The following PPA2 variants were observed in gnomAD, a reference collection of about 807,000 sequenced individuals.
The protein encoded by PPA2 is inorganic pyrophosphatase 2, also known as inorganic pyrophosphatase 2, mitochondrial.
Under a neutral mutation model 49.5 loss-of-function variants are expected in PPA2, and 48 were observed. The observed-to-expected ratio is 0.97, with a 90% CI of 0.77 to 1.23. The LOEUF is 1.23. PPA2 is among the 50% of genes most tolerant of loss of function. The probability of loss-of-function intolerance (pLI) is 0.00; values close to 1 mark genes in which losing one functional copy is unlikely to be tolerated. For synonymous variants in PPA2, 131 were observed against 139.9 expected (o/e 0.94, Z 0.45); for missense variants, 429 against 410.1 (o/e 1.05, Z -0.40).
At chr4:105,385,785 G>A (rs907078334) in intron 10 of PPA2, among the ~76,000 whole-genome samples, 1 of 151,876 alleles carries the variant, frequency 6.6e-6, no homozygotes, top group African/African-American at 2.4e-5. Flanking sequence ...AGGAAAGCAT[G>A]TGAGACAGCC....
chr4:105,464,606 T>C (rs1338785557), intron 1 of PPA2, among the ~76,000 whole-genome samples: 2 of 152,188 alleles, frequency 1.3e-5, no homozygotes, highest in Non-Finnish European at 2.9e-5. Flanking sequence ...TCCCACATGT[T>C]GTGGGAGGAA....
In PPA2 at chr4:105,370,677, A is replaced by G. The variant is rs147301741; in HGVS notation, c.976+160T>C. On this transcript the variant is annotated intron_variant, in intron 11 of 11. Coordinates refer to ENST00000341695, the MANE Select transcript of PPA2 (RefSeq NM_176869.3). The stretch of plus-strand genomic sequence containing the variant: ...CTCCTTATTTTCTGAGTTAGAAAAT[A>G]TTTCATCTGAAATTTTAGCGACTAT... 580 of 926,330 alleles carry G rather than the reference A, an allele frequency of 6.3e-4. 6 individuals carry two copies. The African/African-American group carries it at 9.8e-3, about 16-fold the overall frequency. The allele number at this position is 926,330 out of a possible 1,614,324, so 57.4% of individuals were successfully genotyped here. A position where few individuals can be genotyped will look rare whatever the true frequency, so the allele number is the denominator to read the frequency against.
chr4:105,406,024 A>G, intron 7 of PPA2: 1 of 210,952 alleles, frequency 4.7e-6, no homozygotes, highest in South Asian at 5.9e-5. Flanking sequence ...TAAAGTAGTT[A>G]TTATGAATAT....
intron 7 of PPA2, among the ~76,000 whole-genome samples, chr4:105,422,814 C>T (rs1331664681): frequency 1.3e-5 from 2 of 152,146 alleles, no homozygotes; most frequent in African/African-American, 4.8e-5. Flanking sequence ...ACATCTCCAA[C>T]AGTACTGAAC....
intron 7 of PPA2, among the ~76,000 whole-genome samples, chr4:105,408,569 G>C (rs755918539): frequency 1.6e-4 from 25 of 152,270 alleles, no homozygotes; most frequent in Admixed American, 3.3e-4. Context: ...AAAGATATTT[G>C]AGGTCAAATT....
Position 105,386,566 on chromosome 4 carries a change from C to T in PPA2, c.939+1G>A. 1.9e-6 allele frequency: 3 copies of T among 1,608,874 alleles called. No homozygotes were observed. The highest frequency in any genetic ancestry group is 2.6e-6 in the Non-Finnish European group (3 of 1,175,682). On this transcript the variant is annotated splice_donor_variant, in intron 10 of 11. Coordinates refer to ENST00000341695, the MANE Select transcript of PPA2 (RefSeq NM_176869.3). LOFTEE classifies it high-confidence loss of function. ...GGATGTCTTGGATGTTTGCCCCTTACCGATTCAACTAATGATCTTGCTTCC... is the reference window on the plus strand; with the variant it reads ...GGATGTCTTGGATGTTTGCCCCTTATCGATTCAACTAATGATCTTGCTTCC...
At chr4:105,439,739 G>A (rs925364205) in intron 5 of PPA2, among the ~76,000 whole-genome samples, 3 of 151,886 alleles carry the variant, frequency 2.0e-5, no homozygotes, top group African/African-American at 4.8e-5. Context: ...ATAACGTGCA[G>A]GTTTGTTACA....
chr4:105,402,417 TAG>T (rs1722253728), intron 7 of PPA2, among the ~76,000 whole-genome samples: 1 of 152,210 alleles, frequency 6.6e-6, no homozygotes, highest in African/African-American at 2.4e-5. Flanking sequence ...ATCACTTTAG[TAG>T]AGTCTTGGAT....
chr4:105,403,369 GCT>G (rs1722313250), intron 7 of PPA2, among the ~76,000 whole-genome samples: 1 of 151,962 alleles, frequency 6.6e-6, no homozygotes, highest in Non-Finnish European at 1.5e-5. Flanking sequence ...TTTAAAAAAG[GCT>G]TTATAAAGAG....
intron 5 of PPA2, among the ~76,000 whole-genome samples, chr4:105,439,842 C>T (rs568915953): frequency 8.3e-6 from 1 of 120,136 alleles, no homozygotes; most frequent in Non-Finnish European, 1.7e-5. Flanking sequence ...CCCCCTCCCC[C>T]CACCCGACAA....
chr4:105,437,809 G>A (rs2110289694), intron 6 of PPA2, 141 bp downstream of exon 6: 1 of 602,202 alleles, frequency 1.7e-6, no homozygotes, highest in South Asian at 2.6e-5. Flanking sequence ...ACAAGAAAGT[G>A]AAGATAAAAG....
chr4:105,392,960 G>A (rs2713853), intron 9 of PPA2, among the ~76,000 whole-genome samples: 56,886 of 151,994 alleles, frequency 0.37, 12,616 homozygotes, highest in East Asian at 0.68. Flanking sequence ...TAGAGAAGAC[G>A]AAGTAAAAAT....
intron 3 of PPA2, among the ~76,000 whole-genome samples, chr4:105,450,891 G>A (rs1722649686): frequency 1.3e-5 from 2 of 152,310 alleles, no homozygotes; most frequent in South Asian, 4.1e-4. Flanking sequence ...ACAGGCGTGA[G>A]CCACCGCGCC....
At chr4:105,394,461 C>T (rs1364595551) in intron 9 of PPA2, among the ~76,000 whole-genome samples, 3 of 150,988 alleles carry the variant, frequency 2.0e-5, no homozygotes, top group African/African-American at 7.3e-5. Flanking sequence ...AGGTAAGTTA[C>T]CTAAATCTTT....
intron 5 of PPA2, among the ~76,000 whole-genome samples, chr4:105,439,644 A>T (rs1724241793): frequency 1.3e-5 from 2 of 152,094 alleles, no homozygotes; most frequent in African/African-American, 4.8e-5. Flanking sequence ...AAGAATTATT[A>T]TTATTATAAT....
chr4:105,369,708 A>G lies in PPA2; in HGVS notation c.*17T>C. 6.4e-7 allele frequency: 1 copy of G among 1,570,166 alleles called. No individual in the cohort carries two copies. Among genetic ancestry groups the G allele is most frequent in the South Asian group, 1.1e-5 (1 of 90,118 alleles). ...TTAGAGATGGGAATCTTGACAGCAG[A>G]ATTTCAGATGTTTCAATCACTTGCC... On this transcript the variant is annotated 3_prime_UTR_variant, in exon 12 of 12. Coordinates refer to ENST00000341695, the MANE Select transcript of PPA2 (RefSeq NM_176869.3).
At position 105,446,367 on chromosome 4, in the gene PPA2, G is replaced by T. The variant is rs975218826; in HGVS notation, c.441+16C>A. The T allele has an allele frequency of 6.5e-7, 1 of 1,536,894 alleles. No individual in the cohort carries two copies. Among genetic ancestry groups the T allele is most frequent in the African/African-American group, 1.4e-5 (1 of 71,242 alleles). ...CAGAAGACAGGAACATTTTACCATT[G>T]TAACAAAAATGTTACCTGAGGGAGG... On this transcript the variant is annotated intron_variant, in intron 5 of 11. Coordinates refer to ENST00000341695, the MANE Select transcript of PPA2 (RefSeq NM_176869.3).
chr4:105,407,923 TAGA>T (rs1578828751), intron 7 of PPA2, among the ~76,000 whole-genome samples: 3 of 152,298 alleles, frequency 2.0e-5, no homozygotes, highest in East Asian at 3.9e-4. Flanking sequence ...TGATAGTTGC[TAGA>T]AGACTATATA....
rs545265072 is a variant in PPA2, at chr4:105,393,144, G to T, written c.869+3105C>A. On this transcript the variant is annotated intron_variant, in intron 9 of 11. Transcript: ENST00000341695. ...AGTGATGGAAAATGAGGCAAGAAAGGTTATCTAAATCTTGGACGGCCTTGT... is the reference window on the plus strand; with the variant it reads ...AGTGATGGAAAATGAGGCAAGAAAGTTTATCTAAATCTTGGACGGCCTTGT... 4.1e-3 allele frequency among the ~76,000 whole-genome samples: 619 copies of T among 152,210 alleles called. 3 individuals are homozygous for T. The highest frequency in any genetic ancestry group is 7.1e-3 in the Non-Finnish European group (485 of 67,984).
Sources: allele counts gnomAD v4.1 joint callset (sites outside exome capture counted in the v4.1 genomes callset), GRCh38; gene constraint gnomAD v4.1.1; transcripts MANE v1.5; gene names NCBI Gene and HGNC (gene_info 2026-07-23, HGNC 2026-07-21).